EXOSC10: variants seen among roughly 807,000 people sequenced by gnomAD.
EXOSC10 encodes the protein exosome component 10.
EXOSC10 carries 94 observed loss-of-function variants against 126.6 expected under a neutral mutation model. That is an observed-to-expected ratio of 0.74 (90% CI 0.63 to 0.88). The LOEUF (loss-of-function observed/expected upper bound fraction) is 0.88. Ranked by LOEUF, EXOSC10 falls within the 40% of genes least tolerant of loss-of-function variation. The pLI is 0.00. For missense variants in EXOSC10, 1,041 were observed against 1,100.5 expected (o/e 0.95, Z 0.77); for synonymous variants, 395 against 400.8 (o/e 0.99, Z 0.17).
intron 3 of EXOSC10, among the ~76,000 whole-genome samples, chr1:11,092,096 TAATA>T (rs1640838550): frequency 6.6e-6 from 1 of 152,252 alleles, no homozygotes; most frequent in African/African-American, 2.4e-5. Flanking sequence ...AAGTTGTATG[TAATA>T]AATATATAGA....
intron 17 of EXOSC10, among the ~76,000 whole-genome samples, chr1:11,075,632 A>G (rs897392618): frequency 2.0e-5 from 3 of 152,126 alleles, no homozygotes; most frequent in African/African-American, 7.2e-5. Flanking sequence ...AGATTTATGT[A>G]ATTAAGTTAA....
chr1:11,090,329 G>A (rs553989810), intron 6 of EXOSC10, among the ~76,000 whole-genome samples: 1 of 152,284 alleles, frequency 6.6e-6, no homozygotes, highest in East Asian at 1.9e-4. Flanking sequence ...ATGGGAATAA[G>A]AGCAACTGCT....
At chr1:11,096,762 A>G (rs1641121436) in intron 2 of EXOSC10, among the ~76,000 whole-genome samples, 1 of 152,114 alleles carries the variant, frequency 6.6e-6, no homozygotes, top group African/African-American at 2.4e-5. Context: ...TACAGGCATG[A>G]GCCGCCATGT....
At chr1:11,076,542 C>G (rs1476094771) in intron 17 of EXOSC10, among the ~76,000 whole-genome samples, 1 of 152,204 alleles carries the variant, frequency 6.6e-6, no homozygotes, top group Admixed American at 6.5e-5. Flanking sequence ...CTTGTATGTT[C>G]TCTTAGCGCA....
chr1:11,094,898 C>T (rs1640989807), intron 3 of EXOSC10, among the ~76,000 whole-genome samples: 1 of 151,984 alleles, frequency 6.6e-6, no homozygotes, highest in Non-Finnish European at 1.5e-5. Flanking sequence ...CCACACCTGG[C>T]TGGAATAAGG....
intron 2 of EXOSC10, among the ~76,000 whole-genome samples, chr1:11,096,742 G>A (rs1641119998): frequency 6.6e-6 from 1 of 152,050 alleles, no homozygotes; most frequent in Non-Finnish European, 1.5e-5. Context: ...GCCTCCCAAA[G>A]CACTAGGATT....
chr1:11,087,724 A>G (rs1640573800), intron 8 of EXOSC10, 76 bp downstream of exon 8: 1 of 1,473,582 alleles, frequency 6.8e-7, no homozygotes, highest in Non-Finnish European at 9.3e-7. Context: ...TACAATTAGT[A>G]TTAATTTTAT....
chr1:11,090,043 G>A (rs1206843852), intron 6 of EXOSC10, among the ~76,000 whole-genome samples: 1 of 146,102 alleles, frequency 6.8e-6, no homozygotes, highest in South Asian at 2.1e-4. Context: ...TATCACTCAG[G>A]CTGGAGTGCA....
intron 21 of EXOSC10, among the ~76,000 whole-genome samples, chr1:11,070,499 G>A (rs1210728445): frequency 7.3e-6 from 1 of 137,454 alleles, no homozygotes; most frequent in Non-Finnish European, 1.5e-5. Flanking sequence ...TCCAGCCTGT[G>A]CAACAGAGGT....
chr1:11,067,154 G>A (rs1002495554), intron 24 of EXOSC10, among the ~76,000 whole-genome samples: 3 of 152,146 alleles, frequency 2.0e-5, no homozygotes, highest in African/African-American at 7.2e-5. Context: ...AAAACAGGCC[G>A]GGCGCGGTGG....
At chr1:11,087,983 C>T (rs755566033) in intron 7 of EXOSC10, 73 bp from the exon 8 acceptor site, 31 of 1,273,952 alleles carry the variant, frequency 2.4e-5, no homozygotes, top group Non-Finnish European at 3.3e-5. Context: ...AAGTGAACTA[C>T]AAGTTTGAGA....
At chr1:11,098,937 G>A (rs1641268075) in intron 1 of EXOSC10, among the ~76,000 whole-genome samples, 2 of 152,210 alleles carry the variant, frequency 1.3e-5, no homozygotes, top group African/African-American at 2.4e-5. Flanking sequence ...TCACGGAGGG[G>A]AACATGGTAG....
rs1639237631 is a variant in EXOSC10, at chr1:11,068,355, T to A, written c.2551-271A>T. 4 of 586,750 alleles carry A rather than the reference T, an allele frequency of 6.8e-6. No individual in the cohort carries two copies. The East Asian group carries it at 1.1e-4, about 16-fold the overall frequency. The allele number at this position is 586,750 out of a possible 1,614,324, so 36.3% of individuals were successfully genotyped here. A position where few individuals can be genotyped will look rare whatever the true frequency, so the allele number is the denominator to read the frequency against. On this transcript the variant is annotated intron_variant, in intron 23 of 24. Transcript: ENST00000376936. ...CACCAGCACCAACACCCACGAGGGG[T>A]GAATGCAGGCTTGTGCTGGCCCCAA...
intron 3 of EXOSC10, among the ~76,000 whole-genome samples, chr1:11,093,940 C>G (rs566593478): frequency 6.6e-6 from 1 of 151,956 alleles, no homozygotes; most frequent in South Asian, 2.1e-4. Context: ...TTCAGCCAGA[C>G]GTGGTGGTGC....
intron 17 of EXOSC10, among the ~76,000 whole-genome samples, chr1:11,075,046 T>G (rs998610179): frequency 6.6e-6 from 1 of 152,196 alleles, no homozygotes; most frequent in African/African-American, 2.4e-5. Flanking sequence ...TATGTATTAT[T>G]TTTTTGAGTG....
rs1641056778 is a variant in EXOSC10, at chr1:11,095,891, G to A, written c.249-10C>T. The A allele has an allele frequency of 6.2e-7, 1 of 1,607,602 alleles. No individual in the cohort carries two copies. Among genetic ancestry groups the A allele is most frequent in the African/African-American group, 1.3e-5 (1 of 74,696 alleles). The stretch of plus-strand genomic sequence containing the variant: ...CATTACTCTGCTCATGCTAAGGAAA[G>A]GAAAACCAAGGTTAGCTTGTAGATT... On this transcript the variant is annotated splice_polypyrimidine_tract_variant and intron_variant, in intron 2 of 24. Transcript: ENST00000376936.
At chr1:11,080,460 T>C (rs377155758) in intron 13 of EXOSC10, 39 bp downstream of exon 13, 10 of 1,609,350 alleles carry the variant, frequency 6.2e-6, no homozygotes, top group South Asian at 3.3e-5. Flanking sequence ...TCAGATCTAC[T>C]GAGAAAGTCA....
At chr1:11,068,783 G>T in intron 22 of EXOSC10, 77 bp from the exon 23 acceptor site, 1 of 1,160,670 alleles carries the variant, frequency 8.6e-7, no homozygotes, top group Non-Finnish European at 1.3e-6. Flanking sequence ...AGCGAGGCCG[G>T]GACCATGACA....
chr1:11,086,676 C>T (rs1019780445), intron 9 of EXOSC10, among the ~76,000 whole-genome samples: 7 of 152,032 alleles, frequency 4.6e-5, no homozygotes, highest in African/African-American at 1.7e-4. Context: ...CACTCAAAAC[C>T]GCTCAACTAC....
Sources: gnomAD v4.1 joint callset for allele counts (sites outside exome capture counted in the v4.1 genomes callset) on GRCh38, gnomAD v4.1.1 for gene constraint, MANE v1.5 for transcripts, NCBI Gene and HGNC (gene_info 2026-07-23, HGNC 2026-07-21) for gene names.